Variants in UNC13C observed in about 807,000 individuals in gnomAD.
UNC13C encodes the protein unc-13 homolog C.
In UNC13C, 174 loss-of-function variants were observed where a neutral mutation model predicts 245.4. That is an observed-to-expected ratio of 0.71 (90% confidence interval 0.63 to 0.80). The LOEUF (loss-of-function observed/expected upper bound fraction) is 0.80. Among genes scored for constraint, UNC13C ranks in the 30% least tolerant of loss-of-function variants. The pLI is 0.00. For missense variants in UNC13C, 2,829 were observed against 2,602.9 expected (o/e 1.09, Z -1.89); for synonymous variants, 992 against 895.1 (o/e 1.11, Z -1.93).
rs1367458289 is a variant in UNC13C, at chr15:54,143,645, T to G, written c.3032T>G (p.Leu1011Trp). The change falls in exon 4 of 33, where the codon TTG becomes TGG. Residue 1011 changes from leucine (L) to tryptophan (W), a missense_variant. By Grantham distance (61) the Leu-to-Trp change is moderately conservative (BLOSUM62 -2). Coordinates refer to ENST00000260323, the MANE Select transcript of UNC13C (RefSeq NM_001080534.3). ...GCTCGAATAGTAAGTGGCAATGATT[T>G]GGATGCTTCCAAATTTTCTGCACTC... Reference protein sequence around the residue: ...EKARIVSGNDLDASKFSALQV... With the variant: ...EKARIVSGNDWDASKFSALQV... 2 of 1,613,336 alleles carry G rather than the reference T, an allele frequency of 1.2e-6. No homozygotes were observed. The highest frequency in any genetic ancestry group is 2.7e-5 in the African/African-American group (2 of 74,928).
At chr15:54,297,778 C>T (rs1367785423) in intron 11 of UNC13C, 33 bp from the exon 12 acceptor site, 1 of 1,462,986 alleles carries the variant, frequency 6.8e-7, no homozygotes, top group South Asian at 1.2e-5. Context: ...TATTGTCAGA[C>T]ATGACTGACC....
intron 13 of UNC13C, among the ~76,000 whole-genome samples, chr15:54,320,342 T>C (rs78319885): frequency 0.032 from 4,851 of 152,060 alleles, 273 homozygotes; most frequent in African/African-American, 0.11. Context: ...GGTGCATACA[T>C]GCAACATTCA....
chr15:53,996,987 A>G (rs1034991908), intron 1 of UNC13C, among the ~76,000 whole-genome samples: 2 of 152,138 alleles, frequency 1.3e-5, no homozygotes, highest in African/African-American at 4.8e-5. Flanking sequence ...TTTGTAAGAA[A>G]TTAGCCATTC....
chr15:54,513,295 A>C (rs886770156), intron 24 of UNC13C, among the ~76,000 whole-genome samples: 1 of 152,216 alleles, frequency 6.6e-6, no homozygotes, highest in Admixed American at 6.5e-5. Flanking sequence ...AAGCCCACAA[A>C]TCATTTAAGA....
the UNC13C span, among the ~76,000 whole-genome samples, chr15:53,928,571 G>A: frequency 3.9e-5 from 6 of 151,970 alleles, no homozygotes; most frequent in African/African-American, 7.3e-5. Context: ...GCTCCCAACA[G>A]AGATAGAATA....
chr15:54,239,538 C>G (rs78546837), intron 7 of UNC13C, among the ~76,000 whole-genome samples: 1 of 152,194 alleles, frequency 6.6e-6, no homozygotes, highest in Non-Finnish European at 1.5e-5. Flanking sequence ...GCAGCCTCAA[C>G]CTTCAGAGCT....
At chr15:53,930,434 G>T in the UNC13C span, among the ~76,000 whole-genome samples, 2 of 152,216 alleles carry the variant, frequency 1.3e-5, no homozygotes, top group Admixed American at 1.3e-4. Flanking sequence ...TGGTGGAATT[G>T]CTGGTGACCA....
chr15:54,153,321 TA>T (rs1217682734), intron 4 of UNC13C, among the ~76,000 whole-genome samples: 1 of 79,940 alleles, frequency 1.3e-5, no homozygotes, highest in Admixed American at 1.4e-4. Flanking sequence ...TCATAATTAT[TA>T]TGATATAAGT....
intron 2 of UNC13C, among the ~76,000 whole-genome samples, chr15:54,104,685 A>G (rs1420386981): frequency 2.2e-5 from 3 of 138,132 alleles, no homozygotes; most frequent in Non-Finnish European, 4.7e-5. Flanking sequence ...AATTATATTT[A>G]CAGTTTTTTT....
chr15:54,114,835 TGTG>T (rs907067242), intron 2 of UNC13C, among the ~76,000 whole-genome samples: 5 of 152,142 alleles, frequency 3.3e-5, no homozygotes, highest in African/African-American at 1.2e-4. Context: ...TGCATAAGAA[TGTG>T]GTAGTCTCAG....
intron 4 of UNC13C, among the ~76,000 whole-genome samples, chr15:54,195,545 T>C (rs1481434665): frequency 3.3e-5 from 5 of 152,098 alleles, no homozygotes; most frequent in African/African-American, 9.7e-5. Context: ...GCACCATAGA[T>C]AGACAATGAA....
intron 13 of UNC13C, chr15:54,320,747 A>G: frequency 2.6e-6 from 1 of 390,384 alleles, no homozygotes; most frequent in Non-Finnish European, 4.9e-6. Flanking sequence ...CCACTGCCAT[A>G]GCTACTGCTG....
chr15:54,487,789 A>G (rs1040831201), intron 19 of UNC13C, among the ~76,000 whole-genome samples: 1 of 73,342 alleles, frequency 1.4e-5, no homozygotes, highest in Non-Finnish European at 3.0e-5. Flanking sequence ...AAAAAAAAAA[A>G]GACAGAGAGA....
At chr15:54,537,558 G>A (rs1404758819) in intron 26 of UNC13C, among the ~76,000 whole-genome samples, 4 of 152,084 alleles carry the variant, frequency 2.6e-5, no homozygotes, top group Admixed American at 1.3e-4. Context: ...AAAGCCAGAG[G>A]CCTCACAGGA....
the UNC13C span, among the ~76,000 whole-genome samples, chr15:53,933,144 TATC>T: frequency 6.6e-6 from 1 of 152,192 alleles, no homozygotes; most frequent in Non-Finnish European, 1.5e-5. Flanking sequence ...TTCAGATCCT[TATC>T]ATCTCAGCCT....
chr15:53,923,308 C>A, the UNC13C span, among the ~76,000 whole-genome samples: 1 of 152,156 alleles, frequency 6.6e-6, no homozygotes, highest in African/African-American at 2.4e-5. Flanking sequence ...CAGACTACTG[C>A]CTGGCATATA....
In UNC13C at chr15:54,589,286, C is replaced by A. The variant is rs145898290; in HGVS notation, c.6106+21339C>A. On this transcript the variant is annotated intron_variant, in intron 30 of 32. Coordinates refer to ENST00000260323, the MANE Select transcript of UNC13C (RefSeq NM_001080534.3). ...TTAGCCATTTGTATATCTTCTTCTT[C>A]TTCTTTTTTTTTTTTTTTTTTTTTT... 2.4e-4 allele frequency among the ~76,000 whole-genome samples: 19 copies of A among 77,960 alleles called. No homozygotes were observed. In the East Asian group the frequency reaches 3.4e-3, roughly 14 times the overall value. 51.1% of individuals were successfully genotyped at this position (77,960 alleles called of 152,430 possible).
chr15:54,122,548 C>T (rs375712137), intron 2 of UNC13C, among the ~76,000 whole-genome samples: 2 of 151,526 alleles, frequency 1.3e-5, no homozygotes, highest in African/African-American at 2.4e-5. Flanking sequence ...TTTTGGCTAC[C>T]GTACGAATCC....
At chr15:53,970,025 T>A in the UNC13C span, among the ~76,000 whole-genome samples, 1 of 152,112 alleles carries the variant, frequency 6.6e-6, no homozygotes, top group Non-Finnish European at 1.5e-5. Flanking sequence ...CACAGTTCAT[T>A]CATACTATAG....
Sources: gnomAD v4.1 joint callset for allele counts (sites outside exome capture counted in the v4.1 genomes callset) on GRCh38, gnomAD v4.1.1 for gene constraint, MANE v1.5 for transcripts, NCBI Gene and HGNC (gene_info 2026-07-23, HGNC 2026-07-21) for gene names.